The following GLYR1 variants were observed in gnomAD, a reference collection of about 807,000 sequenced individuals.
GLYR1 encodes the protein glyoxylate reductase 1 homolog, also known as cytokine-like nuclear factor N-PAC.
A neutral mutation model predicts 72.7 loss-of-function variants in GLYR1; 21 were observed. That is an observed-to-expected ratio of 0.29 (90% CI 0.20 to 0.42). The LOEUF (loss-of-function observed/expected upper bound fraction) is 0.42. GLYR1 is among the 10% of genes least tolerant of loss of function. The probability of loss-of-function intolerance (pLI) is 1.00; values close to 1 mark genes in which losing one functional copy is unlikely to be tolerated. For missense variants in GLYR1, 594 were observed against 712.1 expected (o/e 0.83, Z 1.89); for synonymous variants, 392 against 270.2 (o/e 1.45, Z -4.42).
chr16:4,806,684 G>A (rs1268441641), intron 15 of GLYR1, among the ~76,000 whole-genome samples: 2 of 152,042 alleles, frequency 1.3e-5, no homozygotes, highest in Non-Finnish European at 2.9e-5. Flanking sequence ...AAGCCACTGT[G>A]CCTGGCAAGA....
intron 9 of GLYR1, 28 bp downstream of exon 9, chr16:4,821,352 C>G: frequency 6.2e-7 from 1 of 1,611,118 alleles, no homozygotes; most frequent in South Asian, 1.1e-5. Context: ...ACCAGAGCCA[C>G]TGGAGGCCTT....
At chr16:4,818,578 C>T (rs532953093) in intron 9 of GLYR1, among the ~76,000 whole-genome samples, 14 of 152,258 alleles carry the variant, frequency 9.2e-5, no homozygotes, top group Admixed American at 5.2e-4. Flanking sequence ...CCACTGCACC[C>T]GGCTCTGGAT....
intron 3 of GLYR1, among the ~76,000 whole-genome samples, chr16:4,843,215 G>A (rs1046040981): frequency 2.0e-5 from 3 of 152,112 alleles, no homozygotes; most frequent in South Asian, 2.1e-4. Flanking sequence ...CACCCATGCT[G>A]GAGTGCAGGG....
intron 3 of GLYR1, chr16:4,839,160 G>C (rs1198841473): frequency 6.6e-6 from 1 of 152,624 alleles, no homozygotes; most frequent in Non-Finnish European, 1.5e-5. Flanking sequence ...GCAGGGGGAG[G>C]GAGACAGACA....
intron 15 of GLYR1, 109 bp from the exon 16 acceptor site, chr16:4,805,419 C>A: frequency 1.1e-6 from 1 of 892,454 alleles, no homozygotes; most frequent in East Asian, 2.5e-5. Flanking sequence ...TGCTGGAGCC[C>A]AGGCTGTCCG....
intron 3 of GLYR1, chr16:4,839,614 A>T (rs1324176590): frequency 6.6e-6 from 1 of 152,124 alleles, no homozygotes; most frequent in Admixed American, 6.6e-5. Context: ...TCGCTCAGGG[A>T]GCCGAATCCG....
chr16:4,814,878 C>T (rs1438537619), intron 10 of GLYR1, among the ~76,000 whole-genome samples: 1 of 152,158 alleles, frequency 6.6e-6, no homozygotes, highest in Non-Finnish European at 1.5e-5. Flanking sequence ...AACTGCTTCA[C>T]AAGTGTCTGC....
At chr16:4,826,677 G>A (rs1238551913) in intron 5 of GLYR1, among the ~76,000 whole-genome samples, 1 of 152,250 alleles carries the variant, frequency 6.6e-6, no homozygotes, top group African/African-American at 2.4e-5. Flanking sequence ...ATTCTGCAAT[G>A]ATGGGCGTGT....
At chr16:4,812,783 G>C (rs571473543) in intron 12 of GLYR1, among the ~76,000 whole-genome samples, 2 of 151,310 alleles carry the variant, frequency 1.3e-5, no homozygotes, top group African/African-American at 4.9e-5. Context: ...GAGCCACCAC[G>C]CCTGGCCGGA....
At chr16:4,808,129 G>A (rs1457766751) in intron 15 of GLYR1, among the ~76,000 whole-genome samples, 1 of 151,826 alleles carries the variant, frequency 6.6e-6, no homozygotes, top group Non-Finnish European at 1.5e-5. Context: ...CCAGCTACTT[G>A]GGAGGCTGAG....
At chr16:4,823,181 T>C (rs574772363) in intron 6 of GLYR1, among the ~76,000 whole-genome samples, 40 of 152,376 alleles carry the variant, frequency 2.6e-4, no homozygotes, top group Admixed American at 2.2e-3. Flanking sequence ...ACACAAATTA[T>C]TCCAATGAGC....
intron 3 of GLYR1, among the ~76,000 whole-genome samples, chr16:4,833,477 G>C (rs546175718): frequency 1.2e-4 from 19 of 152,198 alleles, no homozygotes; most frequent in Middle Eastern, 3.4e-3. Context: ...TCTAAAATTT[G>C]TGGTTCCTAT....
At chr16:4,834,636 TTA>T (rs1347734978) in intron 3 of GLYR1, among the ~76,000 whole-genome samples, 4 of 152,238 alleles carry the variant, frequency 2.6e-5, no homozygotes, top group Admixed American at 2.6e-4. Context: ...CAGCTAATTT[TTA>T]TGTTTCTAGT....
At chr16:4,821,804 A>G (rs2141986631) in intron 7 of GLYR1, 1 of 617,654 alleles carries the variant, frequency 1.6e-6, no homozygotes, top group Non-Finnish European at 2.9e-6. Context: ...CTTTTTGCTG[A>G]CCATGGTGTT....
At chr16:4,823,476 A>G (rs757606369) in intron 6 of GLYR1, among the ~76,000 whole-genome samples, 1 of 152,194 alleles carries the variant, frequency 6.6e-6, no homozygotes, top group Non-Finnish European at 1.5e-5. Flanking sequence ...ATTTATGGAC[A>G]ATAAGAGGGT....
intron 15 of GLYR1, among the ~76,000 whole-genome samples, chr16:4,808,235 CAAAA>C (rs57992836): frequency 1.1e-4 from 9 of 81,436 alleles, no homozygotes; most frequent in African/African-American, 2.6e-4. Context: ...GACTCTGTCT[CAAAA>C]AAAAAAAAAA....
chr16:4,830,566 G>A (rs1024879669), intron 5 of GLYR1, among the ~76,000 whole-genome samples: 1 of 152,120 alleles, frequency 6.6e-6, no homozygotes, highest in African/African-American at 2.4e-5. Flanking sequence ...GCCTGGGCTC[G>A]CTGGTGTCTG....
intron 1 of GLYR1, 147 bp from the exon 2 acceptor site, chr16:4,846,357 T>C: frequency 1.2e-6 from 1 of 850,154 alleles, no homozygotes; most frequent in Non-Finnish European, 2.0e-6. Flanking sequence ...CCCAACACCC[T>C]CAGAAGTAAA....
chr16:4,843,009 C>T (rs892123920), intron 3 of GLYR1, among the ~76,000 whole-genome samples: 1 of 152,004 alleles, frequency 6.6e-6, no homozygotes, highest in Non-Finnish European at 1.5e-5. Flanking sequence ...CATCATTGTG[C>T]ACATCATCTT....
Sources: gnomAD v4.1 joint callset for allele counts (sites outside exome capture counted in the v4.1 genomes callset) on GRCh38, gnomAD v4.1.1 for gene constraint, MANE v1.5 for transcripts, NCBI Gene and HGNC (gene_info 2026-07-23, HGNC 2026-07-21) for gene names.